Variants in ELMO1 observed in about 807,000 individuals in gnomAD.
ELMO1 encodes engulfment and cell motility 1.
A neutral mutation model predicts 98.9 loss-of-function variants in ELMO1; 26 were observed. That is an observed-to-expected ratio of 0.26 (90% CI 0.19 to 0.36). The LOEUF (loss-of-function observed/expected upper bound fraction) is 0.36. Ranked by LOEUF, ELMO1 falls within the 10% of genes least tolerant of loss-of-function variation. ELMO1 has a pLI of 1.00. For missense variants in ELMO1, 627 were observed against 935.2 expected (o/e 0.67, Z 4.30); for synonymous variants, 346 against 346.0 (o/e 1.00, Z 0.00).
intron 13 of ELMO1, among the ~76,000 whole-genome samples, chr7:37,145,612 G>C (rs1787930827): frequency 6.6e-6 from 1 of 152,220 alleles, no homozygotes; most frequent in African/African-American, 2.4e-5. Flanking sequence ...ATTTTTAAAT[G>C]ATACGTGTTT....
intron 18 of ELMO1, among the ~76,000 whole-genome samples, chr7:36,885,166 C>T (rs760544985): frequency 2.2e-4 from 34 of 152,100 alleles, no homozygotes; most frequent in Non-Finnish European, 3.7e-4. Flanking sequence ...TTTCTGCACT[C>T]GGAAGGATGA....
intron 1 of ELMO1, among the ~76,000 whole-genome samples, chr7:37,365,585 C>CT (rs56113107): frequency 1 from 152,324 of 152,326 alleles, 76,161 homozygotes; most frequent in Middle Eastern, 1. Flanking sequence ...ATGACCAAAA[C>CT]TTGATTTCAG....
At chr7:37,229,524 G>A (rs1351116446) in intron 8 of ELMO1, among the ~76,000 whole-genome samples, 1 of 152,122 alleles carries the variant, frequency 6.6e-6, no homozygotes, top group Non-Finnish European at 1.5e-5. Context: ...TTTCTCCAAA[G>A]TGGTATGAAT....
rs118112058 is a variant in ELMO1, at chr7:37,159,668, C to T, written c.1087-26434G>A. ...GAGCCAAGATCATGGCACTGCACTC[C>T]GGCCAGGGTGACACAGCGAGACTCT... is the stretch of plus-strand genomic sequence containing the variant. On this transcript the variant is annotated intron_variant, in intron 13 of 21. Coordinates refer to ENST00000310758, the MANE Select transcript of ELMO1 (RefSeq NM_014800.11). Among the ~76,000 whole-genome samples the T allele has an allele frequency of 8.2e-3, 1,246 of 151,986 alleles. 15 individuals carry two copies. The highest frequency in any genetic ancestry group is 0.014 in the Non-Finnish European group (936 of 67,966).
chr7:37,376,155 C>CA (rs1357020556), intron 1 of ELMO1: 1 of 298,972 alleles, frequency 3.3e-6, no homozygotes, highest in Non-Finnish European at 6.6e-6. Flanking sequence ...ATTCAGTTAG[C>CA]AAGGTATAGA....
chr7:37,129,690 A>G lies in ELMO1; in HGVS notation c.1191+3440T>C, dbSNP rs149835458. 5.9e-5 allele frequency among the ~76,000 whole-genome samples: 9 copies of G among 152,138 alleles called. No homozygotes were observed. In the East Asian group the frequency reaches 1.7e-3, roughly 29 times the overall value. ...CACTACCCTAGTTCAAGTTATCTCC[A>G]TTTCTCTATAATTTCCCACATTTTA... On this transcript the variant is annotated intron_variant, in intron 14 of 21. Coordinates refer to ENST00000310758, the MANE Select transcript of ELMO1 (RefSeq NM_014800.11).
At chr7:37,026,203 G>A (rs1172530859) in intron 15 of ELMO1, among the ~76,000 whole-genome samples, 1 of 152,144 alleles carries the variant, frequency 6.6e-6, no homozygotes, top group Non-Finnish European at 1.5e-5. Context: ...GGGCACCCAA[G>A]GATTATGTTG....
intron 21 of ELMO1, among the ~76,000 whole-genome samples, chr7:36,859,669 T>C (rs1223834200): frequency 6.6e-6 from 1 of 152,218 alleles, no homozygotes; most frequent in Non-Finnish European, 1.5e-5. Context: ...TCTTGCCTCA[T>C]TTCCCTCTTT....
chr7:36,935,566 C>A (rs1786455350), intron 16 of ELMO1, among the ~76,000 whole-genome samples: 1 of 152,204 alleles, frequency 6.6e-6, no homozygotes, highest in African/African-American at 2.4e-5. Context: ...AGTGGTTCTA[C>A]TGAGGCTGTC....
intron 16 of ELMO1, among the ~76,000 whole-genome samples, chr7:36,963,814 T>TTC (rs2129123818): frequency 6.6e-6 from 1 of 152,294 alleles, no homozygotes; most frequent in East Asian, 1.9e-4. Flanking sequence ...TAACCTGCCC[T>TTC]TCTGCCCTGC....
chr7:36,941,923 A>G (rs1400855623), intron 16 of ELMO1, among the ~76,000 whole-genome samples: 1 of 152,204 alleles, frequency 6.6e-6, no homozygotes, highest in Non-Finnish European at 1.5e-5. Context: ...AAGTGGCAGG[A>G]CTTGAATTCT....
intron 8 of ELMO1, among the ~76,000 whole-genome samples, chr7:37,231,846 T>A (rs1474253457): frequency 6.6e-6 from 1 of 152,150 alleles, no homozygotes; most frequent in Non-Finnish European, 1.5e-5. Context: ...AGGAACAGTC[T>A]GTACTAATTT....
chr7:37,257,823 A>G (rs1795759476), intron 6 of ELMO1, among the ~76,000 whole-genome samples: 2 of 150,374 alleles, frequency 1.3e-5, no homozygotes, highest in Admixed American at 6.6e-5. Context: ...ACATGGTGAA[A>G]CCCTGTCTCT....
chr7:36,920,660 T>C (rs977898000), intron 16 of ELMO1, among the ~76,000 whole-genome samples: 4 of 152,202 alleles, frequency 2.6e-5, no homozygotes, highest in Admixed American at 2.6e-4. Context: ...AACATAGCCA[T>C]ATTAAATCCC....
chr7:37,442,381 A>G (rs1805448375), intron 1 of ELMO1, among the ~76,000 whole-genome samples: 1 of 152,230 alleles, frequency 6.6e-6, no homozygotes, highest in Non-Finnish European at 1.5e-5. Flanking sequence ...TCTATCAACA[A>G]GAGAATTAGC....
intron 16 of ELMO1, among the ~76,000 whole-genome samples, chr7:36,953,941 T>C (rs886771365): frequency 6.6e-6 from 1 of 151,810 alleles, no homozygotes; most frequent in Non-Finnish European, 1.5e-5. Flanking sequence ...GAATTAAATG[T>C]TTCAATACAA....
chr7:36,967,018 T>C (rs1050759145), intron 16 of ELMO1, among the ~76,000 whole-genome samples: 4 of 152,230 alleles, frequency 2.6e-5, no homozygotes, highest in African/African-American at 9.6e-5. Flanking sequence ...TTGTAATTTA[T>C]ACACTGACAT....
chr7:37,259,071 AC>A, intron 6 of ELMO1, 109 bp downstream of exon 6: 3 of 1,295,206 alleles, frequency 2.3e-6, no homozygotes, highest in Non-Finnish European at 2.0e-6. Context: ...CCTGAGTCTA[AC>A]CAAGGCTCTG....
At chr7:37,021,039 C>A (rs1794236790) in intron 15 of ELMO1, among the ~76,000 whole-genome samples, 1 of 152,166 alleles carries the variant, frequency 6.6e-6, no homozygotes, top group Non-Finnish European at 1.5e-5. Flanking sequence ...TAAAAATAAT[C>A]TTACCGTACT....
Sources: gnomAD v4.1 joint callset for allele counts (sites outside exome capture counted in the v4.1 genomes callset) on GRCh38, gnomAD v4.1.1 for gene constraint, MANE v1.5 for transcripts, NCBI Gene and HGNC (gene_info 2026-07-23, HGNC 2026-07-21) for gene names.